TMEM165: variants seen among roughly 807,000 people sequenced by gnomAD.
The protein encoded by TMEM165 is putative divalent cation/proton antiporter TMEM165.
In TMEM165, 19 loss-of-function variants were observed where a neutral mutation model predicts 30.0. The observed-to-expected ratio is 0.63, with a 90% CI of 0.44 to 0.93. The LOEUF (loss-of-function observed/expected upper bound fraction) is 0.93, where lower values mean the gene tolerates loss of function less well. Among genes scored for constraint, TMEM165 ranks in the 40% least tolerant of loss-of-function variants. The pLI, the probability that TMEM165 is intolerant of heterozygous loss-of-function variation, is 0.00. For missense variants in TMEM165, 340 were observed against 417.0 expected, an observed-to-expected ratio of 0.82 and a Z score of 1.61; for synonymous variants, 168 against 162.9, an observed-to-expected ratio of 1.03 and a Z score of -0.24.
chr4:55,396,820 C>G (rs1377528067), intron 1 of TMEM165, among the ~76,000 whole-genome samples: 1 of 152,158 alleles, frequency 6.6e-6, no homozygotes, highest in Admixed American at 6.5e-5. Flanking sequence ...AACTGCTTAC[C>G]CAAATTCAAC....
intron 4 of TMEM165, 22 bp from the exon 5 acceptor site, chr4:55,424,516 A>G: frequency 2.7e-6 from 4 of 1,502,406 alleles, no homozygotes; most frequent in Non-Finnish European, 3.7e-6. Flanking sequence ...TTTTGAATTA[A>G]TGCTGTGACG....
chr4:55,434,239 T>G (rs191803720), intron 3 of TMEM165: 191 of 152,720 alleles, frequency 1.3e-3, no homozygotes, highest in Non-Finnish European at 1.6e-3. Flanking sequence ...CAAATAACCC[T>G]GAATCATTTC....
Position 55,417,784 on chromosome 4 carries a change from T to G in TMEM165, c.610-19T>G. 5 of 1,566,192 alleles carry G rather than the reference T, an allele frequency of 3.2e-6. No individual in the cohort carries two copies. Among genetic ancestry groups the G allele is most frequent in the Non-Finnish European group, 3.5e-6 (4 of 1,155,158 alleles). On this transcript the variant is annotated intron_variant, in intron 3 of 5. Transcript: ENST00000381334. ...TTTGCTTCCTGTGCTTACTTTCATTTGTTTATTATTTATTTTAGTTTCAAC... is the reference window on the plus strand; with the variant it reads ...TTTGCTTCCTGTGCTTACTTTCATTGGTTTATTATTTATTTTAGTTTCAAC...
intron 3 of TMEM165, chr4:55,448,857 G>C (rs1336466736): frequency 1.2e-6 from 2 of 1,613,248 alleles, no homozygotes; most frequent in Non-Finnish European, 8.5e-7. Context: ...CAACAGACTG[G>C]GAATTTATGG....
intron 3 of TMEM165, chr4:55,431,367 ATATAT>A (rs1278295528): frequency 2.0e-5 from 3 of 152,226 alleles, no homozygotes; most frequent in Non-Finnish European, 2.9e-5. Context: ...TTATATACAA[ATATAT>A]TAAATATACT....
intron 3 of TMEM165, among the ~76,000 whole-genome samples, chr4:55,437,110 C>T (rs1045260004): frequency 2.0e-5 from 3 of 152,118 alleles, no homozygotes; most frequent in Admixed American, 6.5e-5. Flanking sequence ...ATGTCTGCAG[C>T]ATAGGCTTAA....
At chr4:55,406,104 A>G (rs1208977914) in intron 1 of TMEM165, among the ~76,000 whole-genome samples, 1 of 152,228 alleles carries the variant, frequency 6.6e-6, no homozygotes, top group Non-Finnish European at 1.5e-5. Flanking sequence ...GAATCTTAGA[A>G]CCAGCTTCCA....
At chr4:55,400,227 T>TTAAC (rs58851706) in intron 1 of TMEM165, among the ~76,000 whole-genome samples, 1 of 32,782 alleles carries the variant, frequency 3.1e-5, no homozygotes, top group African/African-American at 8.5e-5. Context: ...TATATATTAA[T>TTAAC]ATATTAATGT....
At chr4:55,431,860 G>T (rs968316996) in intron 3 of TMEM165, 1 of 152,146 alleles carries the variant, frequency 6.6e-6, no homozygotes. Flanking sequence ...CTATTTTAAG[G>T]ATCCCTTTCT....
At chr4:55,431,744 A>G (rs943189273) in intron 3 of TMEM165, 3 of 152,246 alleles carry the variant, frequency 2.0e-5, no homozygotes, top group Admixed American at 6.5e-5. Flanking sequence ...GTAAAATGCT[A>G]TTTGCATTCC....
chr4:55,441,237 A>T (rs899176622), intron 3 of TMEM165, among the ~76,000 whole-genome samples: 1 of 152,314 alleles, frequency 6.6e-6, no homozygotes, highest in African/African-American at 2.4e-5. Flanking sequence ...TTACCCAGCC[A>T]GACTGGCCAT....
chr4:55,416,651 A>G (rs1162139553), intron 2 of TMEM165, among the ~76,000 whole-genome samples: 1 of 152,224 alleles, frequency 6.6e-6, no homozygotes, highest in Non-Finnish European at 1.5e-5. Context: ...ATTTGTGATG[A>G]AGAAATTCCA....
chr4:55,423,088 A>G (rs1722051245), intron 4 of TMEM165: 2 of 152,020 alleles, frequency 1.3e-5, no homozygotes, highest in Admixed American at 1.3e-4. Context: ...AACTACATGC[A>G]TGAACCACTG....
rs775583696 is a variant in TMEM165, at chr4:55,425,491, AG to A, written c.*40del. On this transcript the variant is annotated 3_prime_UTR_variant, in exon 6 of 6. Transcript: ENST00000381334. ...CATCTATATTTAGTTTAAAATAGGT[AG>A]TATTATCTTTCTGTACATAGTGTAC... The A allele has an allele frequency of 3.4e-6, 5 of 1,467,146 alleles. No individual in the cohort carries two copies. The South Asian group carries it at 5.7e-5, about 17-fold the overall frequency. The allele number at this position is 1,467,146 out of a possible 1,614,324, so 90.9% of individuals were successfully genotyped here. A position where few individuals can be genotyped will look rare whatever the true frequency, so the allele number is the denominator to read the frequency against.
intron 1 of TMEM165, among the ~76,000 whole-genome samples, chr4:55,402,407 A>G (rs571703617): frequency 0.028 from 1,022 of 36,154 alleles, 34 homozygotes; most frequent in African/African-American, 0.13. Context: ...GTGTGTGTAT[A>G]TATATATATA....
intron 3 of TMEM165, chr4:55,448,774 AG>A: frequency 1.2e-6 from 2 of 1,612,482 alleles, no homozygotes; most frequent in Non-Finnish European, 1.7e-6. Context: ...AAAACCAAAA[AG>A]TACCTGGGAC....
chr4:55,414,138 C>T (rs554907723), intron 2 of TMEM165, among the ~76,000 whole-genome samples: 4 of 152,120 alleles, frequency 2.6e-5, no homozygotes, highest in South Asian at 4.2e-4. Flanking sequence ...GGCTTGGTGG[C>T]GGGCATCTGT....
chr4:55,425,773 A>C lies in TMEM165; in HGVS notation c.*321A>C, dbSNP rs1460988594. The C allele has an allele frequency of 5.7e-6, 1 of 175,668 alleles. No homozygotes were observed. Among genetic ancestry groups the C allele is most frequent in the African/African-American group, 2.4e-5 (1 of 42,476 alleles). The allele number at this position is 175,668 out of a possible 1,614,324, so 10.9% of individuals were successfully genotyped here. On this transcript the variant is annotated 3_prime_UTR_variant, in exon 6 of 6. Coordinates refer to ENST00000381334, the MANE Select transcript of TMEM165 (RefSeq NM_018475.5). ...TTTCTTTCAGCACTGACCCCTTTTT[A>C]AGGAATACAAATTTTCTCCTTCATC...
In TMEM165 at chr4:55,448,599, C is replaced by CGT. The variant is rs1328426824; in HGVS notation, c.409-3639_409-3638insTG. Among the ~76,000 whole-genome samples the CGT allele has an allele frequency of 8.7e-4, 92 of 105,662 alleles. 1 individual carries two copies. Among genetic ancestry groups the CGT allele is most frequent in the Admixed American group, 2.4e-3 (24 of 10,188 alleles). 69.3% of individuals were successfully genotyped at this position (105,662 alleles called of 152,430 possible). On this transcript the variant is annotated intron_variant, in intron 3 of 3. Coordinates refer to the TMEM165 transcript ENST00000608091. The stretch of plus-strand genomic sequence containing the variant: ...TTATATATGTGCGCGCGCGCACGCG[C>CGT]GCGTGTGTGTGTGTGTGTGTGTGTG...
Sources: allele counts gnomAD v4.1 joint callset (sites outside exome capture counted in the v4.1 genomes callset), GRCh38; gene constraint gnomAD v4.1.1; transcripts MANE v1.5; gene names NCBI Gene and HGNC (gene_info 2026-07-23, HGNC 2026-07-21).